The following P3H2 variants were observed in gnomAD, a reference collection of about 807,000 sequenced individuals.
P3H2 encodes prolyl 3-hydroxylase 2.
In P3H2, 80 loss-of-function variants were observed where a neutral mutation model predicts 87.0. The ratio of observed to expected loss-of-function variants is 0.92; its 90% CI spans 0.77 to 1.11. The LOEUF is 1.11. P3H2 is among the 50% of genes least tolerant of loss of function. The probability of loss-of-function intolerance (pLI) is 0.00; values close to 1 mark genes in which losing one functional copy is unlikely to be tolerated. For synonymous variants in P3H2, 367 were observed against 359.3 expected, an observed-to-expected ratio of 1.02 and a Z score of -0.24; for missense variants, 1,001 against 923.9, an observed-to-expected ratio of 1.08 and a Z score of -1.08.
At chr3:190,001,300 T>C (rs1486135798) in intron 1 of P3H2, among the ~76,000 whole-genome samples, 3 of 152,230 alleles carry the variant, frequency 2.0e-5, no homozygotes, top group Non-Finnish European at 4.4e-5. Flanking sequence ...GAAATACCAC[T>C]ATGTACTTCT....
chr3:189,992,965 G>C (rs372523064), intron 3 of P3H2, among the ~76,000 whole-genome samples: 2 of 152,112 alleles, frequency 1.3e-5, no homozygotes. Flanking sequence ...GTATAAATCT[G>C]TACTTATAAA....
At chr3:190,112,290 T>C (rs1054175575) in intron 1 of P3H2, among the ~76,000 whole-genome samples, 8 of 152,346 alleles carry the variant, frequency 5.3e-5, no homozygotes, top group African/African-American at 1.9e-4. Context: ...TAAAATGCAA[T>C]GGTTGCAGTA....
chr3:190,079,341 A>AAAATAAATAAATAAATAAAT (rs200007107), intron 1 of P3H2, among the ~76,000 whole-genome samples: 4 of 142,038 alleles, frequency 2.8e-5, no homozygotes, highest in Non-Finnish European at 1.5e-5. Flanking sequence ...TCTGTCTCAA[A>AAAATAAATAAATAAATAAAT]AAATAAATAA....
intron 1 of P3H2, among the ~76,000 whole-genome samples, chr3:190,037,018 T>C (rs1725446115): frequency 6.6e-6 from 1 of 152,122 alleles, no homozygotes; most frequent in Non-Finnish European, 1.5e-5. Context: ...GTATCATGGA[T>C]TGGCACATGC....
chr3:190,074,767 T>C (rs1726814308), intron 1 of P3H2, among the ~76,000 whole-genome samples: 1 of 152,242 alleles, frequency 6.6e-6, no homozygotes, highest in East Asian at 1.9e-4. Context: ...TTGCTTTATG[T>C]CTTTTCTCTC....
intron 1 of P3H2, among the ~76,000 whole-genome samples, chr3:190,090,672 C>T (rs1727380988): frequency 2.0e-5 from 3 of 151,532 alleles, no homozygotes; most frequent in African/African-American, 7.3e-5. Context: ...CACTGCACTC[C>T]AGCCTGGGTG....
chr3:190,004,754 C>A (rs1188313559), intron 1 of P3H2, among the ~76,000 whole-genome samples: 1 of 152,038 alleles, frequency 6.6e-6, no homozygotes, highest in Admixed American at 6.6e-5. Context: ...CTTTAGGATA[C>A]AAAAACAAAT....
intron 1 of P3H2, among the ~76,000 whole-genome samples, chr3:190,103,620 T>C (rs919924986): frequency 6.6e-6 from 1 of 152,172 alleles, no homozygotes; most frequent in Non-Finnish European, 1.5e-5. Context: ...GGCAGGCTGG[T>C]GGCAAGGCTG....
At chr3:189,983,008 T>TCCCCTC in intron 8 of P3H2, 38 bp downstream of exon 8, 1 of 1,480,164 alleles carries the variant, frequency 6.8e-7, no homozygotes, top group Middle Eastern at 1.7e-4. Context: ...ATCTTCCCCT[T>TCCCCTC]CCCCTCCTTT....
intron 1 of P3H2, among the ~76,000 whole-genome samples, chr3:190,084,605 T>C (rs1293748950): frequency 2.7e-5 from 4 of 147,488 alleles, no homozygotes; most frequent in Non-Finnish European, 5.9e-5. Context: ...TGGCAAGTGG[T>C]TTTTGCATTT....
At chr3:189,983,890 A>C (rs948082094) in intron 7 of P3H2, among the ~76,000 whole-genome samples, 17 of 145,612 alleles carry the variant, frequency 1.2e-4, no homozygotes, top group African/African-American at 4.1e-4. Flanking sequence ...CTTTAAAAAG[A>C]TGTAAATTGA....
intron 1 of P3H2, among the ~76,000 whole-genome samples, chr3:190,033,687 TA>T: frequency 6.6e-6 from 1 of 152,330 alleles, no homozygotes; most frequent in South Asian, 2.1e-4. Context: ...AACTTGGCTG[TA>T]AAAGTCCCAA....
intron 1 of P3H2, among the ~76,000 whole-genome samples, chr3:190,072,049 T>C (rs1726718148): frequency 1.4e-5 from 2 of 147,382 alleles, no homozygotes; most frequent in Admixed American, 1.4e-4. Context: ...TGGCGCCATC[T>C]CGGCTCACCG....
At chr3:190,010,062 G>A (rs375976568) in intron 1 of P3H2, among the ~76,000 whole-genome samples, 2 of 152,162 alleles carry the variant, frequency 1.3e-5, no homozygotes, top group Non-Finnish European at 2.9e-5. Flanking sequence ...AACAGCAAAT[G>A]CCTGGATGCA....
intron 1 of P3H2, among the ~76,000 whole-genome samples, chr3:190,043,595 A>G (rs1725709465): frequency 6.6e-6 from 1 of 152,200 alleles, no homozygotes; most frequent in African/African-American, 2.4e-5. Flanking sequence ...GGAATTGTAT[A>G]TAGTTAATGT....
intron 1 of P3H2, among the ~76,000 whole-genome samples, chr3:190,110,657 C>A (rs1003604713): frequency 1.3e-5 from 2 of 152,164 alleles, no homozygotes; most frequent in Admixed American, 1.3e-4. Context: ...ATAATTTGAG[C>A]TCATTTTTAA....
intron 1 of P3H2, among the ~76,000 whole-genome samples, chr3:190,073,958 G>A (rs1560389347): frequency 6.6e-6 from 1 of 152,114 alleles, no homozygotes; most frequent in Non-Finnish European, 1.5e-5. Flanking sequence ...TTTTGAGGAA[G>A]GATCAGCTAT....
At chr3:190,005,141 T>A (rs55875134) in intron 1 of P3H2, among the ~76,000 whole-genome samples, 32,741 of 152,148 alleles carry the variant, frequency 0.22, 3,693 homozygotes, top group Admixed American at 0.29. Context: ...TGAAATAGCT[T>A]AATGCAAGCC....
At chr3:190,082,550 G>C (rs1264401451) in intron 1 of P3H2, among the ~76,000 whole-genome samples, 3 of 152,106 alleles carry the variant, frequency 2.0e-5, no homozygotes, top group Non-Finnish European at 4.4e-5. Context: ...ACATTTATCT[G>C]TTATTTGTGC....
Sources: allele counts gnomAD v4.1 joint callset (sites outside exome capture counted in the v4.1 genomes callset), GRCh38; gene constraint gnomAD v4.1.1; transcripts MANE v1.5; gene names NCBI Gene and HGNC (gene_info 2026-07-23, HGNC 2026-07-21).